The following RICTOR variants were observed in gnomAD, a reference collection of about 807,000 sequenced individuals.
The protein encoded by RICTOR is RPTOR independent companion of MTOR complex 2.
RICTOR carries 49 observed loss-of-function variants against 214.9 expected under a neutral mutation model. The ratio of observed to expected loss-of-function variants is 0.23; its 90% CI spans 0.18 to 0.29. RICTOR has a LOEUF of 0.29. Ranked by LOEUF, RICTOR falls within the 10% of genes least tolerant of loss-of-function variation. The probability of loss-of-function intolerance (pLI) is 1.00; values close to 1 mark genes in which losing one functional copy is unlikely to be tolerated. For synonymous variants in RICTOR, 717 were observed against 711.3 expected (o/e 1.01, Z -0.13); for missense variants, 1,625 against 2,047.0 (o/e 0.79, Z 3.98).
intron 9 of RICTOR, among the ~76,000 whole-genome samples, chr5:38,977,545 G>A (rs1383922560): frequency 1.3e-5 from 2 of 151,306 alleles, no homozygotes; most frequent in African/African-American, 4.9e-5. Context: ...GTATGTTAGG[G>A]TGAGAATGAG....
At position 38,949,763 on chromosome 5, in the gene RICTOR, T is replaced by C. The variant is rs1579879499; in HGVS notation, c.4085A>G (p.Asp1362Gly). 6.2e-7 allele frequency: 1 copy of C among 1,613,360 alleles called. No homozygotes were observed. Among genetic ancestry groups the C allele is most frequent in the Admixed American group, 1.7e-5 (1 of 59,942 alleles). The change falls in exon 31 of 38, where the codon GAT becomes GGT. Residue 1362 changes from aspartate to glycine, a missense_variant. Coordinates refer to ENST00000357387, the MANE Select transcript of RICTOR (RefSeq NM_152756.5). ...ACTGTTGGCCTTCATGGTGATGGTA[T>C]CAGTAAATAGCACATCTTTTGCTGG... ...ASPAKDVLFT[D>G]TITMKANSFE...
chr5:39,003,999 A>G (rs1753836439), intron 3 of RICTOR, among the ~76,000 whole-genome samples: 1 of 152,126 alleles, frequency 6.6e-6, no homozygotes, highest in African/African-American at 2.4e-5. Flanking sequence ...AGAATCTCAC[A>G]CTTTAATTTC....
At chr5:38,954,331 C>G (rs74702248) in intron 27 of RICTOR, among the ~76,000 whole-genome samples, 1 of 151,822 alleles carries the variant, frequency 6.6e-6, no homozygotes, top group Admixed American at 6.6e-5. Flanking sequence ...ATGAAGTACG[C>G]GAGAATAAAA....
chr5:38,975,103 C>T (rs1751101739), intron 10 of RICTOR, among the ~76,000 whole-genome samples: 1 of 152,138 alleles, frequency 6.6e-6, no homozygotes, highest in African/African-American at 2.4e-5. Flanking sequence ...AAAGATAAAA[C>T]ATGCACAATC....
chr5:38,998,970 T>C (rs1753384857), intron 5 of RICTOR, among the ~76,000 whole-genome samples: 3 of 140,158 alleles, frequency 2.1e-5, no homozygotes, highest in Non-Finnish European at 3.0e-5. Context: ...GAGCCGAGAT[T>C]GCGCCACTGC....
At chr5:39,052,544 G>T (rs980943612) in intron 2 of RICTOR, among the ~76,000 whole-genome samples, 1 of 152,100 alleles carries the variant, frequency 6.6e-6, no homozygotes, top group Non-Finnish European at 1.5e-5. Flanking sequence ...GTATCACAAA[G>T]GTAAACTGTA....
Position 39,068,073 on chromosome 5 carries a change from C to T in RICTOR, c.97+6038G>A, listed in dbSNP as rs898655105. On this transcript the variant is annotated intron_variant, in intron 2 of 37. Coordinates refer to ENST00000357387, the MANE Select transcript of RICTOR (RefSeq NM_152756.5). ...CAATTTAGAAAATAATAAATAAAGA[C>T]GTAAAAAAGCAGAGAAGGAAGCAAT... 4.0e-5 allele frequency among the ~76,000 whole-genome samples: 6 copies of T among 151,888 alleles called. 1 individual carries two copies. The highest frequency in any genetic ancestry group is 2.0e-4 in the Admixed American group (3 of 15,268).
chr5:39,019,481 T>C (rs1022216777), intron 3 of RICTOR, among the ~76,000 whole-genome samples: 2 of 152,202 alleles, frequency 1.3e-5, no homozygotes, highest in African/African-American at 2.4e-5. Context: ...TTAAGAATTA[T>C]GCTAAAGCTG....
At chr5:39,005,190 C>G (rs1753957544) in intron 3 of RICTOR, among the ~76,000 whole-genome samples, 1 of 152,134 alleles carries the variant, frequency 6.6e-6, no homozygotes, top group Admixed American at 6.5e-5. Context: ...TTAGGGTAAA[C>G]AAAACTTCCT....
chr5:38,968,028 T>G lies in RICTOR; in HGVS notation c.975A>C (p.Arg325=), dbSNP rs559130971. Residue 325 remains arginine, a splice_region_variant and synonymous_variant, in exon 12 of 38, where the codon CGA becomes CGC. Coordinates refer to ENST00000357387, the MANE Select transcript of RICTOR (RefSeq NM_152756.5). ...TATCATAAAGCACTTCAAGTAGACC[T>G]CGCTAAATTAGCAAACAAATACACC... ...VLCIPNMEIR[R]GLLEVLYDIF... is the part of the protein sequence containing the mutation. 30 of 1,584,912 alleles carry G rather than the reference T, an allele frequency of 1.9e-5. No homozygotes were observed. In the South Asian group the frequency reaches 3.0e-4, roughly 16 times the overall value.
chr5:38,969,450 T>C lies in RICTOR; in HGVS notation c.973-1420A>G, dbSNP rs550374967. ...TTTAAAAAATTTGAAAATTATAAACTAAAAAGGTTACAGTAAGCTAATTAT... is the reference window on the plus strand; with the variant it reads ...TTTAAAAAATTTGAAAATTATAAACCAAAAAGGTTACAGTAAGCTAATTAT... On this transcript the variant is annotated intron_variant, in intron 11 of 37. Transcript: ENST00000357387. Among the ~76,000 whole-genome samples the C allele has an allele frequency of 2.2e-3, 327 of 152,088 alleles. 1 individual carries two copies. Among genetic ancestry groups the C allele is most frequent in the African/African-American group, 7.6e-3 (315 of 41,502 alleles).
intron 7 of RICTOR, among the ~76,000 whole-genome samples, chr5:38,990,158 GC>G (rs1194356723): frequency 4.6e-5 from 7 of 152,104 alleles, no homozygotes; most frequent in African/African-American, 1.7e-4. Flanking sequence ...ATACTATGCA[GC>G]CATTAAAAAA....
intron 2 of RICTOR, among the ~76,000 whole-genome samples, chr5:39,026,482 T>C (rs1755831380): frequency 2.0e-5 from 3 of 152,190 alleles, no homozygotes; most frequent in Non-Finnish European, 4.4e-5. Context: ...TCATATTGTG[T>C]AGACTGTAAA....
intron 3 of RICTOR, among the ~76,000 whole-genome samples, chr5:39,005,560 T>C (rs756603907): frequency 1.3e-5 from 2 of 152,234 alleles, no homozygotes; most frequent in Non-Finnish European, 2.9e-5. Flanking sequence ...ATACGTCCTC[T>C]ATGTTCATGA....
At chr5:38,943,658 C>T (rs71621891) in intron 36 of RICTOR, among the ~76,000 whole-genome samples, 1 of 152,008 alleles carries the variant, frequency 6.6e-6, no homozygotes, top group African/African-American at 2.4e-5. Context: ...ACTAAAAATA[C>T]AAAAATTAGC....
chr5:38,942,823 T>C lies in RICTOR; in HGVS notation c.5052+10A>G, dbSNP rs747344859. On this transcript the variant is annotated intron_variant, in intron 37 of 37. Transcript: ENST00000357387. ...GGAAGATAAATTTGAGAAGTACTAA[T>C]CATACTTACTTGTAGAAACTGTACA... is the stretch of plus-strand genomic sequence containing the variant. The C allele has an allele frequency of 1.9e-6, 3 of 1,583,090 alleles. No individual in the cohort carries two copies. In the South Asian group the frequency reaches 3.3e-5, roughly 18 times the overall value.
At chr5:39,022,195 AT>A (rs1755477938) in intron 2 of RICTOR, among the ~76,000 whole-genome samples, 2 of 152,228 alleles carry the variant, frequency 1.3e-5, no homozygotes, top group Admixed American at 1.3e-4. Context: ...TGTTTGGTAG[AT>A]TAGGTACATT....
intron 2 of RICTOR, among the ~76,000 whole-genome samples, chr5:39,066,102 G>A (rs1758887068): frequency 1.3e-5 from 2 of 152,214 alleles, no homozygotes; most frequent in Admixed American, 1.3e-4. Context: ...CCTGCAGCAG[G>A]CTTCTGCCTA....
In RICTOR at chr5:38,964,808, G is replaced by T. The variant is rs755089256; in HGVS notation, c.1384C>A (p.Pro462Thr). Residue 462 changes from proline to threonine, a missense_variant, in exon 16 of 38, where the codon CCC becomes ACC. By Grantham distance (38) the Pro-to-Thr change is conservative. Coordinates refer to ENST00000357387, the MANE Select transcript of RICTOR (RefSeq NM_152756.5). ...GATACTTACAGTCTCTTTTCCTTGG[G>T]GATATCAAAGGATGCAGCCATATTC... ...LMNMAASFDIPKEKRLRASAA... is the reference protein window; with the variant it reads ...LMNMAASFDITKEKRLRASAA... 21 of 1,578,150 alleles carry T rather than the reference G, an allele frequency of 1.3e-5. No individual in the cohort carries two copies. The highest frequency in any genetic ancestry group is 1.6e-5 in the Non-Finnish European group (19 of 1,151,986).
Sources: allele counts gnomAD v4.1 joint callset (sites outside exome capture counted in the v4.1 genomes callset), GRCh38; gene constraint gnomAD v4.1.1; transcripts MANE v1.5; gene names NCBI Gene and HGNC (gene_info 2026-07-23, HGNC 2026-07-21).